UBE3A: variants seen among roughly 807,000 people sequenced by gnomAD.
The protein encoded by UBE3A is ubiquitin protein ligase E3A.
In UBE3A, 6 loss-of-function variants were observed where a neutral mutation model predicts 83.4. The observed-to-expected ratio is 0.07, with a 90% CI of 0.04 to 0.14. UBE3A has a LOEUF of 0.14. Among genes scored for constraint, UBE3A ranks in the 10% least tolerant of loss-of-function variants. The pLI, the probability that UBE3A is intolerant of heterozygous loss-of-function variation, is 1.00. For synonymous variants in UBE3A, 337 were observed against 355.4 expected (o/e 0.95, Z 0.58); for missense variants, 456 against 1,036.1 (o/e 0.44, Z 7.69).
At position 25,371,782 on chromosome 15, in the gene UBE3A, T is replaced by A; in HGVS notation, c.392A>T (p.Tyr131Phe). The A allele has an allele frequency of 6.2e-7, 1 of 1,611,862 alleles. No individual in the cohort carries two copies. The highest frequency in any genetic ancestry group is 1.1e-5 in the South Asian group (1 of 91,028). ...DVTYLTEEKV[Y>F]EILELCRERE... ...TTCTCTACATAATTCAAGAATTTCA[T>A]ATACCTTCTCTTCTGTTAAGTAAGT... The change falls in exon 6 of 13, where the codon TAT becomes TTT. Residue 131 changes from tyrosine (Y) to phenylalanine (F), a missense_variant. Physicochemically the swap from Tyr to Phe is conservative, Grantham distance 22. Transcript: ENST00000648336. The surrounding 1 kb of genome is among the most constrained non-coding windows in gnomAD (Gnocchi z 5.3).
At chr15:25,421,186 T>A (rs994999063) in intron 1 of UBE3A, among the ~76,000 whole-genome samples, 3 of 152,094 alleles carry the variant, frequency 2.0e-5, no homozygotes, top group African/African-American at 7.2e-5. Context: ...TGTGGTCGTT[T>A]AAAAAGGGTG....
At chr15:25,367,925 G>A (rs560768700) in intron 6 of UBE3A, among the ~76,000 whole-genome samples, 19 of 152,080 alleles carry the variant, frequency 1.2e-4, no homozygotes, top group Admixed American at 6.5e-4. Flanking sequence ...ACTATTTTCT[G>A]GGCTTGATTT....
At chr15:25,367,827 T>C (rs375015852) in intron 6 of UBE3A, among the ~76,000 whole-genome samples, 3 of 152,224 alleles carry the variant, frequency 2.0e-5, no homozygotes, top group African/African-American at 7.2e-5. Context: ...GCAATGAATA[T>C]ATTTTTCTTT....
rs2074231179 is a variant in UBE3A, at chr15:25,338,795, C to CACAAGCAAAAGTGATTTAACCCTTAAA, written c.*315_*341dup. ...AGGCTCAACCTCAAGCAGTAATAAA[C>CACAAGCAAAAGTGATTTAACCCTTAAA]ACAAGCAAAAGTGATTTAACCCTTA... is the stretch of plus-strand genomic sequence containing the variant. On this transcript the variant is annotated 3_prime_UTR_variant, in exon 13 of 13. Coordinates refer to ENST00000648336, the MANE Select transcript of UBE3A (RefSeq NM_130839.5). 1 of 154,530 alleles carries CACAAGCAAAAGTGATTTAACCCTTAAA rather than the reference C, an allele frequency of 6.5e-6. No homozygotes were observed. Among genetic ancestry groups the CACAAGCAAAAGTGATTTAACCCTTAAA allele is most frequent in the Non-Finnish European group, 1.4e-5 (1 of 69,930 alleles). The allele number at this position is 154,530 out of a possible 1,614,324, so 9.6% of individuals were successfully genotyped here.
intron 3 of UBE3A, chr15:25,408,114 G>C (rs1467098214): frequency 6.5e-6 from 1 of 154,804 alleles, no homozygotes; most frequent in East Asian, 1.9e-4. Flanking sequence ...AGCAACTTGG[G>C]AGGCTGAGGT....
Position 25,354,385 on chromosome 15 carries a change from G to A in UBE3A, c.2322C>T (p.Asp774=), listed in dbSNP as rs759095902. The A allele has an allele frequency of 1.4e-5, 23 of 1,613,638 alleles. No homozygotes were observed. Among genetic ancestry groups the A allele is most frequent in the Admixed American group, 1.0e-4 (6 of 59,984 alleles). Residue 774 remains aspartate (D), a synonymous_variant, in exon 11 of 13, where the codon GAC becomes GAT. Coordinates refer to ENST00000648336, the MANE Select transcript of UBE3A (RefSeq NM_130839.5). ...FQALEETTEY[D]GGYTRDSVLI... ...GAACAGAGTCCCTGGTATAGCCACC[G>A]TCATATTCTGTAGTTTCTTCTAGTG...
chr15:25,415,928 A>T (rs1017661205), intron 1 of UBE3A: 8 of 152,026 alleles, frequency 5.3e-5, no homozygotes, highest in African/African-American at 1.9e-4. Context: ...ATGAACAAAG[A>T]TACCATTTCT....
intron 4 of UBE3A, among the ~76,000 whole-genome samples, chr15:25,400,108 TAAA>T (rs1188973825): frequency 6.6e-6 from 1 of 151,488 alleles, no homozygotes; most frequent in Non-Finnish European, 1.5e-5. Flanking sequence ...CTTTGGATAA[TAAA>T]AACATTTTAC....
chr15:25,362,751 A>ATTTTGCCTGGT (rs1372667539), intron 6 of UBE3A, among the ~76,000 whole-genome samples: 1 of 152,234 alleles, frequency 6.6e-6, no homozygotes, highest in African/African-American at 2.4e-5. Context: ...GGACCAGGCC[A>ATTTTGCCTGGT]ACATTCCATA....
chr15:25,408,499 T>G lies in UBE3A; in HGVS notation c.20+589A>C, dbSNP rs1267988731. 2.3e-6 allele frequency: 3 copies of G among 1,324,442 alleles called. No individual in the cohort carries two copies. In the East Asian group the frequency reaches 7.0e-5, roughly 31 times the overall value. The allele number at this position is 1,324,442 out of a possible 1,614,324, so 82.0% of individuals were successfully genotyped here. On this transcript the variant is annotated intron_variant, in intron 3 of 12. Coordinates refer to ENST00000648336, the MANE Select transcript of UBE3A (RefSeq NM_130839.5). The stretch of plus-strand genomic sequence containing the variant: ...AACCAAATAACATTGGATAATAAAA[T>G]GTAAATCTCAGAATGAGAATCAATT...
At chr15:25,383,005 C>T (rs2082464861) in intron 4 of UBE3A, among the ~76,000 whole-genome samples, 1 of 152,102 alleles carries the variant, frequency 6.6e-6, no homozygotes, top group Non-Finnish European at 1.5e-5. Context: ...ACTAACAACC[C>T]TTCTCAAACT....
intron 1 of UBE3A, among the ~76,000 whole-genome samples, chr15:25,433,301 A>C (rs1894035089): frequency 6.6e-6 from 1 of 150,994 alleles, no homozygotes. Context: ...CCCCTGCCTC[A>C]GCCTCCTGAG....
At chr15:25,347,004 G>A (rs2075789459) in intron 11 of UBE3A, 1 of 152,016 alleles carries the variant, frequency 6.6e-6, no homozygotes, top group Admixed American at 6.6e-5. Context: ...ACCCCAAATA[G>A]CACAAATAAA....
intron 4 of UBE3A, among the ~76,000 whole-genome samples, chr15:25,377,158 A>T (rs1401214843): frequency 1.3e-5 from 2 of 152,202 alleles, no homozygotes; most frequent in Non-Finnish European, 2.9e-5. Flanking sequence ...ACATCTTGCT[A>T]ATCATGAGAA....
chr15:25,356,266 C>T (rs1595593738), intron 8 of UBE3A, among the ~76,000 whole-genome samples: 1 of 151,922 alleles, frequency 6.6e-6, no homozygotes, highest in East Asian at 1.9e-4. Context: ...CTGAGAAACC[C>T]CATACCACCA....
At chr15:25,339,927 A>G (rs2074450113) in intron 12 of UBE3A, 158 bp downstream of exon 12, 2 of 1,016,040 alleles carry the variant, frequency 2.0e-6, no homozygotes, top group Non-Finnish European at 2.9e-6. Context: ...TTCCTCACAC[A>G]ATGACAGCAA....
At chr15:25,383,625 G>A (rs190781945) in intron 4 of UBE3A, among the ~76,000 whole-genome samples, 2 of 152,256 alleles carry the variant, frequency 1.3e-5, no homozygotes, top group African/African-American at 4.8e-5. Flanking sequence ...GGTGACAAGA[G>A]CAAGATTCTG....
chr15:25,369,854 A>G (rs899098034), intron 6 of UBE3A, among the ~76,000 whole-genome samples: 55 of 152,192 alleles, frequency 3.6e-4, no homozygotes, highest in African/African-American at 1.3e-3. Context: ...GGAAGTTAGG[A>G]TGAGTACCTG....
intron 3 of UBE3A, chr15:25,407,363 T>A: frequency 1.3e-6 from 1 of 761,974 alleles, no homozygotes; most frequent in Non-Finnish European, 1.6e-6. Context: ...GAGGACATGA[T>A]GATAGGAAAA....
Sources: allele counts gnomAD v4.1 joint callset (sites outside exome capture counted in the v4.1 genomes callset), GRCh38; gene constraint gnomAD v4.1.1; non-coding constraint Gnocchi (gnomAD v3.1); transcripts MANE v1.5; gene names NCBI Gene and HGNC (gene_info 2026-07-23, HGNC 2026-07-21).